PPP1R15A: variants seen among roughly 807,000 people sequenced by gnomAD.
PPP1R15A encodes protein phosphatase 1 regulatory subunit 15A, also known as growth arrest and DNA damage-inducible protein GADD34.
In PPP1R15A, 43 loss-of-function variants were observed where a neutral mutation model predicts 48.5. The ratio of observed to expected loss-of-function variants is 0.89; its 90% CI spans 0.69 to 1.14. The LOEUF (loss-of-function observed/expected upper bound fraction) is 1.14, where lower values mean the gene tolerates loss of function less well. PPP1R15A is among the 50% of genes most tolerant of loss of function. The probability of loss-of-function intolerance (pLI) is 0.00; values close to 1 mark genes in which losing one functional copy is unlikely to be tolerated. For synonymous variants in PPP1R15A, 327 were observed against 327.4 expected (o/e 1.00, Z 0.01); for missense variants, 868 against 847.2 (o/e 1.02, Z -0.30).
In PPP1R15A at chr19:48,873,577, A is replaced by G. The variant is rs73942337; in HGVS notation, c.344A>G (p.Asp115Gly). 1,592 of 1,614,148 alleles carry G rather than the reference A, an allele frequency of 9.9e-4. 9 individuals are homozygous for G. The African/African-American group carries it at 0.019, about 19-fold the overall frequency. Residue 115 changes from aspartate to glycine, a missense_variant, in exon 2 of 3, where the codon GAT becomes GGT. Asp to Gly is a moderately conservative substitution (Grantham distance 94). Coordinates refer to ENST00000200453, the MANE Select transcript of PPP1R15A (RefSeq NM_014330.5). ...GCCTGGGGACTTTTGGATGATGATG[A>G]TGGCATGTATGGTGAGCGAGAGGCA... ...PEAWGLLDDD[D>G]GMYGEREATS...
In PPP1R15A at chr19:48,874,552, C is replaced by T. The variant is rs755546126; in HGVS notation, c.1319C>T (p.Thr440Met). The change falls in exon 2 of 3, where the codon ACG (threonine) becomes ATG (methionine). Residue 440 changes from threonine (T) to methionine (M), a missense_variant. Coordinates refer to ENST00000200453, the MANE Select transcript of PPP1R15A (RefSeq NM_014330.5). ...TGGGTGTATCGGCCAGGAGAGGACA[C>T]GGAGGAGGAGGAAGATGAGGATGTG... ...KAWVYRPGEDTEEEEDEDVDS... is the reference protein window; with the variant it reads ...KAWVYRPGEDMEEEEDEDVDS... The T allele has an allele frequency of 1.4e-5, 22 of 1,613,882 alleles. No individual in the cohort carries two copies. Among genetic ancestry groups the T allele is most frequent in the East Asian group, 2.2e-5 (1 of 44,876 alleles).
chr19:48,873,363 C>T lies in PPP1R15A; in HGVS notation c.130C>T (p.Pro44Ser), dbSNP rs749538089. ...SRLRGLGPLE[P>S]WLVEAVKGAA... is the part of the protein sequence containing the mutation. ...CCTGAGGGGCCTGGGACCTCTAGAG[C>T]CCTGGCTGGTGGAAGCAGTAAAAGG... Residue 44 changes from proline (P) to serine (S), a missense_variant, in exon 2 of 3, where the codon CCC (proline) becomes TCC (serine). Pro to Ser is a moderately conservative substitution (Grantham distance 74). Transcript: ENST00000200453. The T allele has an allele frequency of 6.2e-7, 1 of 1,613,834 alleles. No individual in the cohort carries two copies. Among genetic ancestry groups the T allele is most frequent in the South Asian group, 1.1e-5 (1 of 91,070 alleles).
chr19:48,872,843 G>A (rs1286832996), intron 1 of PPP1R15A, among the ~76,000 whole-genome samples, 192 bp downstream of exon 1: 1 of 152,194 alleles, frequency 6.6e-6, no homozygotes, highest in African/African-American at 2.4e-5. Flanking sequence ...TGCGAGGGAG[G>A]AGGGTGTGAG....
rs377143682 is a variant in PPP1R15A, at chr19:48,873,998, C to T, written c.765C>T (p.Ser255=). The T allele has an allele frequency of 2.0e-4, 323 of 1,614,148 alleles. 2 individuals carry two copies. The South Asian group carries it at 2.6e-3, about 13-fold the overall frequency. ...KTSVSPRSSG[S]DPRSWEYRSG... ...CCGTGTCCCCCCGATCTTCAGGCTC[C>T]GACCCCAGGTCCTGGGAGTATCGTT... The change falls in exon 2 of 3, where the codon TCC becomes TCT. Residue 255 remains serine (S), a synonymous_variant. Transcript: ENST00000200453.
At position 48,873,210 on chromosome 19, in the gene PPP1R15A, C is replaced by A; in HGVS notation, c.-9-15C>A. ...AATGGCCCCTAAACTTTATTTTTTT[C>A]TCCCCCTTTTCCAGCCCAGACACAT... is the stretch of plus-strand genomic sequence containing the variant. On this transcript the variant is annotated splice_polypyrimidine_tract_variant and intron_variant, in intron 1 of 2. Coordinates refer to ENST00000200453, the MANE Select transcript of PPP1R15A (RefSeq NM_014330.5). 1 of 1,469,672 alleles carries A rather than the reference C, an allele frequency of 6.8e-7. No homozygotes were observed. Among genetic ancestry groups the A allele is most frequent in the Non-Finnish European group, 9.0e-7 (1 of 1,107,792 alleles). The allele number at this position is 1,469,672 out of a possible 1,614,324, so 91.0% of individuals were successfully genotyped here.
rs761450142 is a variant in PPP1R15A at position 48,873,417 on chromosome 19, G to A, written c.184G>A (p.Gly62Arg). The change falls in exon 2 of 3, where the codon GGA becomes AGA. Residue 62 changes from glycine to arginine, a missense_variant. Transcript: ENST00000200453. ...AGCTCTGGTAGAAGCTGGCCTGGAGGGAGAAGCTAGGACTCCTCTGGCAAT... is the reference window on the plus strand; with the variant it reads ...AGCTCTGGTAGAAGCTGGCCTGGAGAGAGAAGCTAGGACTCCTCTGGCAAT... ...GAALVEAGLEGEARTPLAIPH... is the reference protein window; with the variant it reads ...GAALVEAGLEREARTPLAIPH... 6.8e-6 allele frequency: 11 copies of A among 1,613,102 alleles called. No individual in the cohort carries two copies.
chr19:48,875,669 C>G lies in PPP1R15A; in HGVS notation c.1721C>G (p.Ala574Gly). 1 of 1,610,382 alleles carries G rather than the reference C, an allele frequency of 6.2e-7. No homozygotes were observed. ...VHFLAVWAGP[A>G]QAARQGPWEQ... Reference sequence around the variant, plus strand: ...TTCCTGGCTGTCTGGGCAGGGCCGGCCCAGGCCGCCCGCCAGGGCCCCTGG... The same window carrying G: ...TTCCTGGCTGTCTGGGCAGGGCCGGGCCAGGCCGCCCGCCAGGGCCCCTGG... The change falls in exon 3 of 3, where the codon GCC becomes GGC. Residue 574 changes from alanine (A) to glycine (G), a missense_variant. Transcript: ENST00000200453.
chr19:48,874,578 G>A lies in PPP1R15A; in HGVS notation c.1345G>A (p.Asp449Asn). The change falls in exon 2 of 3, where the codon GAT becomes AAT. Residue 449 changes from aspartate to asparagine, a missense_variant. Transcript: ENST00000200453. The part of the protein sequence containing the change: ...DTEEEEDEDV[D>N]SEDKEDDSEA... ...GGAGGAGGAGGAAGATGAGGATGTG[G>A]ATAGTGAGGATAAGGAAGATGATTC... The A allele has an allele frequency of 6.2e-7, 1 of 1,614,206 alleles. No homozygotes were observed. The highest frequency in any genetic ancestry group is 1.3e-5 in the African/African-American group (1 of 75,052).
chr19:48,874,494 T>G lies in PPP1R15A; in HGVS notation c.1261T>G (p.Ser421Ala). Residue 421 changes from serine to alanine, a missense_variant, in exon 2 of 3, where the codon TCC becomes GCC. By Grantham distance (99) the Ser-to-Ala change is moderately conservative. Coordinates refer to ENST00000200453, the MANE Select transcript of PPP1R15A (RefSeq NM_014330.5). The part of the protein sequence containing the change: ...EDEREAETSA[S>A]TPPASAFLKA... ...TGAAAGAGAAGCTGAGACTTCTGCT[T>G]CCACACCCCCTGCAAGTGCTTTCTT... The G allele has an allele frequency of 6.2e-7, 1 of 1,613,358 alleles. No homozygotes were observed. The highest frequency in any genetic ancestry group is 1.1e-5 in the South Asian group (1 of 91,040).
Position 48,875,625 on chromosome 19 carries a change from C to T in PPP1R15A, c.1677C>T (p.Ser559=), listed in dbSNP as rs548393011. 29 of 1,593,576 alleles carry T rather than the reference C, an allele frequency of 1.8e-5. No homozygotes were observed. Among genetic ancestry groups the T allele is most frequent in the Non-Finnish European group, 2.3e-5 (27 of 1,168,574 alleles). The change falls in exon 3 of 3, where the codon TCC becomes TCT. Residue 559 remains serine (S), a synonymous_variant. Transcript: ENST00000200453. ...TPLKARKVRF[S]EKVTVHFLAV... Reference sequence around the variant, plus strand: ...ATGTCTGCCCGCAGGTGCGCTTCTCCGAGAAGGTCACTGTCCATTTCCTGG... The same window carrying T: ...ATGTCTGCCCGCAGGTGCGCTTCTCTGAGAAGGTCACTGTCCATTTCCTGG...
At chr19:48,875,349 C>G in intron 2 of PPP1R15A, 1 of 542,672 alleles carries the variant, frequency 1.8e-6, no homozygotes. Flanking sequence ...TACGCTGTCA[C>G]GCAATCCCTT....
rs144621980 is a variant in PPP1R15A at position 48,874,789 on chromosome 19, C to T, written c.1556C>T (p.Pro519Leu). The change falls in exon 2 of 3, where the codon CCG (proline) becomes CTG (leucine). Residue 519 changes from proline to leucine, a missense_variant. Pro to Leu is a moderately conservative substitution (Grantham distance 98). Coordinates refer to ENST00000200453, the MANE Select transcript of PPP1R15A (RefSeq NM_014330.5). ...VAIYVPGEKP[P>L]PPWAPPRLPL... ...ATCTATGTACCTGGAGAGAAGCCACCGCCTCCCTGGGCTCCTCCTAGGCTG... is the reference window on the plus strand; with the variant it reads ...ATCTATGTACCTGGAGAGAAGCCACTGCCTCCCTGGGCTCCTCCTAGGCTG... 19 of 1,613,948 alleles carry T rather than the reference C, an allele frequency of 1.2e-5. No homozygotes were observed. The highest frequency in any genetic ancestry group is 8.0e-5 in the African/African-American group (6 of 74,894).
intron 2 of PPP1R15A, 43 bp downstream of exon 2, chr19:48,874,941 ATTGAG>A (rs2037062438): frequency 9.8e-6 from 14 of 1,426,768 alleles, no homozygotes; most frequent in Non-Finnish European, 1.1e-5. Flanking sequence ...TTTTTTTTTA[ATTGAG>A]TTGGAGTCTT....
Position 48,872,612 on chromosome 19 carries a change from C to G in PPP1R15A, c.-49C>G. 2.5e-6 allele frequency: 1 copy of G among 395,122 alleles called. No individual in the cohort carries two copies. The highest frequency in any genetic ancestry group is 5.3e-6 in the Non-Finnish European group (1 of 189,096). 24.5% of individuals were successfully genotyped at this position (395,122 alleles called of 1,614,324 possible). ...TGTGATCGCTTCTGGCAGACCGAAC[C>G]GGCGCTCCTGCCCCCGGGGTGACGC... On this transcript the variant is annotated 5_prime_UTR_variant, in exon 1 of 3. Transcript: ENST00000200453.
In PPP1R15A at chr19:48,874,611, G is replaced by A; in HGVS notation, c.1378G>A (p.Ala460Thr). The A allele has an allele frequency of 6.2e-7, 1 of 1,614,202 alleles. No homozygotes were observed. The highest frequency in any genetic ancestry group is 8.5e-7 in the Non-Finnish European group (1 of 1,180,024). Residue 460 changes from alanine to threonine, a missense_variant, in exon 2 of 3, where the codon GCC becomes ACC. Physicochemically the swap from Ala to Thr is moderately conservative, Grantham distance 58. Coordinates refer to ENST00000200453, the MANE Select transcript of PPP1R15A (RefSeq NM_014330.5). ...SEDKEDDSEA[A>T]LGEAESDPHP... ...GGATAAGGAAGATGATTCAGAAGCA[G>A]CCTTGGGAGAAGCTGAGTCAGACCC...
In PPP1R15A at chr19:48,873,648, C is replaced by A; in HGVS notation, c.415C>A (p.Arg139Ser). 6.2e-7 allele frequency: 1 copy of A among 1,614,098 alleles called. No individual in the cohort carries two copies. Among genetic ancestry groups the A allele is most frequent in the Non-Finnish European group, 8.5e-7 (1 of 1,180,010 alleles). Residue 139 changes from arginine to serine, a missense_variant, in exon 2 of 3, where the codon CGT (arginine) becomes AGT (serine). By Grantham distance (110) the Arg-to-Ser change is moderately radical. Transcript: ENST00000200453. ...GGGAAGTCAATTTGCAGATGGCCAG[C>A]GTGCTCCCCTGTCTCCCAGCCTTCT... Reference protein sequence around the residue: ...GQGSQFADGQRAPLSPSLLIR... With the variant: ...GQGSQFADGQSAPLSPSLLIR...
Position 48,875,642 on chromosome 19 carries a change from A to G in PPP1R15A, c.1694A>G (p.His565Arg). The change falls in exon 3 of 3, where the codon CAT (histidine) becomes CGT (arginine). Residue 565 changes from histidine (H) to arginine (R), a missense_variant. Coordinates refer to ENST00000200453, the MANE Select transcript of PPP1R15A (RefSeq NM_014330.5). ...KVRFSEKVTV[H>R]FLAVWAGPAQ... Reference sequence around the variant, plus strand: ...CGCTTCTCCGAGAAGGTCACTGTCCATTTCCTGGCTGTCTGGGCAGGGCCG... The same window carrying G: ...CGCTTCTCCGAGAAGGTCACTGTCCGTTTCCTGGCTGTCTGGGCAGGGCCG... 3 of 1,604,912 alleles carry G rather than the reference A, an allele frequency of 1.9e-6. No individual in the cohort carries two copies. Among genetic ancestry groups the G allele is most frequent in the Non-Finnish European group, 2.6e-6 (3 of 1,176,384 alleles).
In PPP1R15A at chr19:48,874,756, G is replaced by A. The variant is rs111401415; in HGVS notation, c.1523G>A (p.Arg508Gln). Residue 508 changes from arginine (R) to glutamine (Q), a missense_variant, in exon 2 of 3, where the codon CGA (arginine) becomes CAA (glutamine). Coordinates refer to ENST00000200453, the MANE Select transcript of PPP1R15A (RefSeq NM_014330.5). Reference protein sequence around the residue: ...DWGEAEPCPFRVAIYVPGEKP... With the variant: ...DWGEAEPCPFQVAIYVPGEKP... ...GGAGAAGCTGAGCCCTGCCCCTTCC[G>A]AGTGGCCATCTATGTACCTGGAGAG... is the stretch of plus-strand genomic sequence containing the variant. 360 of 1,613,948 alleles carry A rather than the reference G, an allele frequency of 2.2e-4. 2 individuals carry two copies. In the South Asian group the frequency reaches 2.4e-3, roughly 11 times the overall value.
intron 2 of PPP1R15A, 41 bp from the exon 3 acceptor site, chr19:48,875,573 C>T: frequency 1.3e-6 from 2 of 1,533,320 alleles, no homozygotes; most frequent in African/African-American, 1.4e-5. Flanking sequence ...ATTCCCGTGG[C>T]TGTGTGCATC....
Sources: allele counts gnomAD v4.1 joint callset (sites outside exome capture counted in the v4.1 genomes callset), GRCh38; gene constraint gnomAD v4.1.1; transcripts MANE v1.5; gene names NCBI Gene and HGNC (gene_info 2026-07-23, HGNC 2026-07-21).